Variants in PTPRD observed in about 807,000 individuals in gnomAD.
The protein encoded by PTPRD is receptor-type tyrosine-protein phosphatase delta.
In PTPRD, 34 loss-of-function variants were observed where a neutral mutation model predicts 214.5. That is an observed-to-expected ratio of 0.16 (90% CI 0.12 to 0.21). PTPRD has a LOEUF of 0.21. PTPRD is among the 10% of genes least tolerant of loss of function. The probability of loss-of-function intolerance (pLI) is 1.00; values close to 1 mark genes in which losing one functional copy is unlikely to be tolerated. For synonymous variants in PTPRD, 1,128 were observed against 845.7 expected, an observed-to-expected ratio of 1.33 and a Z score of -5.79; for missense variants, 2,545 against 2,398.7, an observed-to-expected ratio of 1.06 and a Z score of -1.27.
chr9:9,563,889 T>C (rs1256630737), intron 8 of PTPRD, among the ~76,000 whole-genome samples: 6 of 152,134 alleles, frequency 3.9e-5, no homozygotes, highest in Non-Finnish European at 8.8e-5. Flanking sequence ...ACCTTATCCA[T>C]TGATATCCTG....
At chr9:9,451,352 T>G (rs1367028199) in intron 8 of PTPRD, among the ~76,000 whole-genome samples, 1 of 151,684 alleles carries the variant, frequency 6.6e-6, no homozygotes, top group Non-Finnish European at 1.5e-5. Context: ...TATTAAATAA[T>G]TCAAAATTAA....
chr9:10,199,445 T>G (rs2099410954), intron 3 of PTPRD, among the ~76,000 whole-genome samples: 1 of 152,002 alleles, frequency 6.6e-6, no homozygotes, highest in African/African-American at 2.4e-5. Flanking sequence ...ACCTCTGTTC[T>G]TTATTCTGTC....
chr9:9,180,320 C>G (rs1298486513), intron 10 of PTPRD, among the ~76,000 whole-genome samples: 1 of 151,370 alleles, frequency 6.6e-6, no homozygotes, highest in African/African-American at 2.4e-5. Context: ...AACTGGAAAC[C>G]ATCATTCTCA....
chr9:9,900,641 G>GTTTTTTTTTTGTTTTTTTTTTTT (rs1555302234), intron 5 of PTPRD, among the ~76,000 whole-genome samples: 1 of 120,086 alleles, frequency 8.3e-6, no homozygotes, highest in African/African-American at 3.1e-5. Context: ...ACATTTTCAG[G>GTTTTTTTTTTGTTTTTTTTTTTT]TTTTTTTTTT....
chr9:10,139,331 A>G lies in PTPRD; in HGVS notation c.-544-105541T>C, dbSNP rs373671492. ...AATACTGCTAATCAAGGAGATAAAA[A>G]AAACTCTACAAGTAGAATTACAAAA... is the stretch of plus-strand genomic sequence containing the variant. On this transcript the variant is annotated intron_variant, in intron 3 of 45. Coordinates refer to ENST00000381196, the MANE Select transcript of PTPRD (RefSeq NM_002839.4). 8.1e-4 allele frequency among the ~76,000 whole-genome samples: 123 copies of G among 152,188 alleles called. 3 individuals are homozygous for G. In the South Asian group the frequency reaches 0.024, roughly 29 times the overall value.
chr9:9,742,890 T>C (rs2098418691), intron 6 of PTPRD, among the ~76,000 whole-genome samples: 1 of 152,198 alleles, frequency 6.6e-6, no homozygotes. Context: ...TTGTTATGCA[T>C]ACTCATTATA....
intron 2 of PTPRD, among the ~76,000 whole-genome samples, chr9:10,492,236 G>T (rs1291289602): frequency 6.6e-6 from 1 of 152,150 alleles, no homozygotes; most frequent in Admixed American, 6.5e-5. Flanking sequence ...CCAGTAATGG[G>T]ATGGCTGGGT....
intron 3 of PTPRD, among the ~76,000 whole-genome samples, chr9:10,199,241 T>C (rs1166570573): frequency 2.0e-5 from 3 of 152,126 alleles, no homozygotes; most frequent in Non-Finnish European, 2.9e-5. Context: ...TAAGGCATTC[T>C]ATTTCTTACC....
At chr9:9,945,627 A>G (rs907933940) in intron 4 of PTPRD, among the ~76,000 whole-genome samples, 3 of 152,174 alleles carry the variant, frequency 2.0e-5, no homozygotes, top group African/African-American at 7.2e-5. Context: ...GGTGACCATG[A>G]CAAGATGTGC....
chr9:9,320,430 T>C (rs188518245), intron 9 of PTPRD, among the ~76,000 whole-genome samples: 2 of 152,158 alleles, frequency 1.3e-5, no homozygotes, highest in Non-Finnish European at 2.9e-5. Flanking sequence ...TTTAGAAATA[T>C]ATTATCTAAT....
At chr9:8,640,576 C>CA (rs1200304533) in intron 12 of PTPRD, among the ~76,000 whole-genome samples, 9 of 117,894 alleles carry the variant, frequency 7.6e-5, no homozygotes, top group African/African-American at 2.5e-4. Flanking sequence ...AAAAAAAAAA[C>CA]AAAAAAACCT....
At chr9:10,297,032 T>C (rs2095695650) in intron 3 of PTPRD, among the ~76,000 whole-genome samples, 1 of 150,614 alleles carries the variant, frequency 6.6e-6, no homozygotes, top group South Asian at 2.1e-4. Context: ...AAGCCCCTAA[T>C]AACACAGTAT....
At chr9:8,714,735 C>T (rs1810528348) in intron 12 of PTPRD, among the ~76,000 whole-genome samples, 1 of 152,092 alleles carries the variant, frequency 6.6e-6, no homozygotes, top group Admixed American at 6.5e-5. Flanking sequence ...CCTGACTACC[C>T]AATTTTAAAT....
At chr9:10,319,251 C>T (rs923120013) in intron 3 of PTPRD, among the ~76,000 whole-genome samples, 1 of 152,056 alleles carries the variant, frequency 6.6e-6, no homozygotes, top group Admixed American at 6.6e-5. Flanking sequence ...GATTCTGTCT[C>T]TTCAAGCTTG....
In PTPRD at chr9:10,157,483, T is replaced by A. The variant is rs532626621; in HGVS notation, c.-544-123693A>T. 8.5e-5 allele frequency among the ~76,000 whole-genome samples: 13 copies of A among 152,342 alleles called. No individual in the cohort carries two copies. In the South Asian group the frequency reaches 2.5e-3, roughly 29 times the overall value. Reference sequence around the variant, plus strand: ...CTTCAGTCTCTTCTGGATAGTAGTGTCTCTGCTGAGAGGTCTGGTGTTAGT... The same window carrying A: ...CTTCAGTCTCTTCTGGATAGTAGTGACTCTGCTGAGAGGTCTGGTGTTAGT... On this transcript the variant is annotated intron_variant, in intron 3 of 45. Coordinates refer to ENST00000381196, the MANE Select transcript of PTPRD (RefSeq NM_002839.4).
At chr9:8,325,733 A>G (rs966307833) in intron 44 of PTPRD, among the ~76,000 whole-genome samples, 2 of 152,060 alleles carry the variant, frequency 1.3e-5, no homozygotes, top group African/African-American at 4.8e-5. Flanking sequence ...ATGTTCTTCC[A>G]TTTGTGTCCT....
At chr9:8,469,372 C>T (rs1311176719) in intron 31 of PTPRD, among the ~76,000 whole-genome samples, 2 of 152,006 alleles carry the variant, frequency 1.3e-5, no homozygotes, top group Non-Finnish European at 2.9e-5. Flanking sequence ...GCTTGGATCT[C>T]AGTGCCTTAA....
At chr9:9,080,194 T>C (rs2099757040) in intron 10 of PTPRD, among the ~76,000 whole-genome samples, 1 of 152,086 alleles carries the variant, frequency 6.6e-6, no homozygotes, top group Non-Finnish European at 1.5e-5. Context: ...AGCTGATGTC[T>C]AGAGAGTTTA....
At chr9:9,937,503 G>C (rs2089977470) in intron 5 of PTPRD, among the ~76,000 whole-genome samples, 1 of 150,438 alleles carries the variant, frequency 6.6e-6, no homozygotes, top group Non-Finnish European at 1.5e-5. Flanking sequence ...ATATATTTGG[G>C]CTATTTATGA....
Sources: gnomAD v4.1 joint callset for allele counts (sites outside exome capture counted in the v4.1 genomes callset) on GRCh38, gnomAD v4.1.1 for gene constraint, MANE v1.5 for transcripts, NCBI Gene and HGNC (gene_info 2026-07-23, HGNC 2026-07-21) for gene names.